The following CAMSAP1 variants were observed in gnomAD, a reference collection of about 807,000 sequenced individuals.
The protein encoded by CAMSAP1 is calmodulin regulated spectrin associated protein 1, also known as calmodulin-regulated spectrin-associated protein 1.
CAMSAP1 carries 58 observed loss-of-function variants against 143.5 expected under a neutral mutation model. The observed-to-expected ratio is 0.40, with a 90% confidence interval of 0.33 to 0.50. The LOEUF is 0.50. CAMSAP1 is among the 20% of genes least tolerant of loss of function. The pLI is 0.45. For synonymous variants in CAMSAP1, 945 were observed against 859.3 expected (o/e 1.10, Z -1.74); for missense variants, 1,969 against 2,115.7 (o/e 0.93, Z 1.36).
chr9:135,830,022 G>C (rs900219368), intron 7 of CAMSAP1, among the ~76,000 whole-genome samples: 3 of 152,028 alleles, frequency 2.0e-5, no homozygotes, highest in Non-Finnish European at 4.4e-5. Context: ...TCTTAAAACA[G>C]ACAACTGTAT....
chr9:135,871,908 GC>G (rs1204628935), intron 3 of CAMSAP1, among the ~76,000 whole-genome samples: 1 of 152,174 alleles, frequency 6.6e-6, no homozygotes, highest in Admixed American at 6.5e-5. Flanking sequence ...TTCGAGACCA[GC>G]CTAAGCAACA....
intron 7 of CAMSAP1, among the ~76,000 whole-genome samples, chr9:135,844,696 A>T (rs985121776): frequency 6.6e-6 from 1 of 152,240 alleles, no homozygotes; most frequent in Non-Finnish European, 1.5e-5. Context: ...ATCATCATTG[A>T]TCCCGCAGAA....
At chr9:135,890,674 C>T (rs970025921) in intron 1 of CAMSAP1, among the ~76,000 whole-genome samples, 23 of 152,264 alleles carry the variant, frequency 1.5e-4, no homozygotes, top group African/African-American at 4.3e-4. Flanking sequence ...ACCAGGGCCT[C>T]GCGTGGGGTG....
intron 3 of CAMSAP1, among the ~76,000 whole-genome samples, chr9:135,870,763 C>G (rs1837542607): frequency 6.6e-6 from 1 of 152,058 alleles, no homozygotes; most frequent in African/African-American, 2.4e-5. Flanking sequence ...CCATGGCACT[C>G]CAGCCTAGGT....
chr9:135,881,244 C>T (rs1049235953), intron 3 of CAMSAP1, among the ~76,000 whole-genome samples: 5 of 151,822 alleles, frequency 3.3e-5, no homozygotes, highest in Non-Finnish European at 7.4e-5. Flanking sequence ...GTGATCCCAG[C>T]TACTCAGGAG....
chr9:135,817,525 G>A (rs1424296633), intron 14 of CAMSAP1, among the ~76,000 whole-genome samples: 4 of 151,988 alleles, frequency 2.6e-5, no homozygotes, highest in Non-Finnish European at 4.4e-5. Context: ...CCAAGTAGCT[G>A]GGACTATAGG....
chr9:135,823,897 T>C lies in CAMSAP1; in HGVS notation c.1400+53A>G. On this transcript the variant is annotated intron_variant, in intron 10 of 16. Coordinates refer to ENST00000389532, the MANE Select transcript of CAMSAP1 (RefSeq NM_015447.4). ...GTTGGGGTGACATCTTAAGAACTGC[T>C]GTTTAGTATAAAAAACATTCCAAAC... 4 of 1,401,262 alleles carry C rather than the reference T, an allele frequency of 2.9e-6. No homozygotes were observed. The South Asian group carries it at 3.7e-5, about 13-fold the overall frequency. The allele number at this position is 1,401,262 out of a possible 1,614,324, so 86.8% of individuals were successfully genotyped here.
intron 7 of CAMSAP1, among the ~76,000 whole-genome samples, chr9:135,848,204 G>A (rs754659169): frequency 6.6e-6 from 1 of 151,860 alleles, no homozygotes; most frequent in Non-Finnish European, 1.5e-5. Context: ...AAGAAGAGTT[G>A]GGAAGGAAAG....
rs554489485 is a variant in CAMSAP1 at position 135,823,972 on chromosome 9, C to A, written c.1378G>T (p.Ala460Ser). The A allele has an allele frequency of 1.2e-5, 19 of 1,586,144 alleles. No individual in the cohort carries two copies. The South Asian group carries it at 2.0e-4, about 16-fold the overall frequency. The change falls in exon 10 of 17, where the codon GCC becomes TCC. Residue 460 changes from alanine to serine, a missense_variant. Transcript: ENST00000389532. ...VDGQPRGAAI[A>S]WPEKKTRPAS... ...CACCTGGTTTTTTTTTCTGGCCAGG[C>A]TATTGCTGCTCCTCGAGGCTGACCA... is the stretch of plus-strand genomic sequence containing the variant.
intron 3 of CAMSAP1, among the ~76,000 whole-genome samples, chr9:135,871,036 A>G (rs910161106): frequency 6.6e-6 from 1 of 152,202 alleles, no homozygotes; most frequent in Non-Finnish European, 1.5e-5. Context: ...TTCCAATTAT[A>G]TATCTACATG....
In CAMSAP1 at chr9:135,819,005, C is replaced by T; in HGVS notation, c.3959+5G>A. On this transcript the variant is annotated splice_donor_5th_base_variant and intron_variant, in intron 12 of 16. Transcript: ENST00000389532. The stretch of plus-strand genomic sequence containing the variant: ...GTCTGCTTTCCCCCCCGGCGGGACG[C>T]TTACCGGGCTTCGTCACGCTTGAGC... The T allele has an allele frequency of 6.2e-7, 1 of 1,605,172 alleles. No homozygotes were observed. The highest frequency in any genetic ancestry group is 8.5e-7 in the Non-Finnish European group (1 of 1,178,870).
At chr9:135,849,382 A>G (rs1836690502) in intron 7 of CAMSAP1, among the ~76,000 whole-genome samples, 1 of 152,208 alleles carries the variant, frequency 6.6e-6, no homozygotes. Context: ...AATCTTAAGC[A>G]TTGCAAGCTG....
At chr9:135,874,216 C>T (rs1837657700) in intron 3 of CAMSAP1, among the ~76,000 whole-genome samples, 1 of 152,156 alleles carries the variant, frequency 6.6e-6, no homozygotes, top group African/African-American at 2.4e-5. Flanking sequence ...TAGAAGGGAA[C>T]TCCTGGCCAG....
At chr9:135,827,698 G>T in intron 7 of CAMSAP1, 114 bp from the exon 8 acceptor site, 1 of 1,033,310 alleles carries the variant, frequency 9.7e-7, no homozygotes, top group Non-Finnish European at 1.3e-6. Context: ...CCAAACTTCT[G>T]CCAAAAAAAA....
intron 7 of CAMSAP1, among the ~76,000 whole-genome samples, chr9:135,847,002 C>T (rs1281604566): frequency 6.6e-6 from 1 of 152,080 alleles, no homozygotes; most frequent in Non-Finnish European, 1.5e-5. Flanking sequence ...AACTGAAATA[C>T]CATTTGACCC....
Position 135,821,562 on chromosome 9 carries a change from C to T in CAMSAP1, c.3099G>A (p.Thr1033=), listed in dbSNP as rs755935604. Residue 1033 remains threonine, a synonymous_variant, in exon 11 of 17, where the codon ACG becomes ACA. Coordinates refer to ENST00000389532, the MANE Select transcript of CAMSAP1 (RefSeq NM_015447.4). The surrounding 1 kb of genome is among the most constrained non-coding windows in gnomAD (Gnocchi z 4.6). ...AGATTTTCAGGATGGCCTGCTGCAGCGTACTGATGGTTTCGTTAAGCTTCT... is the reference window on the plus strand; with the variant it reads ...AGATTTTCAGGATGGCCTGCTGCAGTGTACTGATGGTTTCGTTAAGCTTCT... ...SIEKLNETIS[T]LQQAILKISQ... is the part of the protein sequence containing the mutation. 2 of 1,613,972 alleles carry T rather than the reference C, an allele frequency of 1.2e-6. No homozygotes were observed. Among genetic ancestry groups the T allele is most frequent in the Non-Finnish European group, 1.7e-6 (2 of 1,179,890 alleles).
At chr9:135,819,606 A>G (rs778653572) in intron 11 of CAMSAP1, among the ~76,000 whole-genome samples, 50 of 142,868 alleles carry the variant, frequency 3.5e-4, no homozygotes, top group Non-Finnish European at 7.3e-4. Flanking sequence ...GGCCAAGGAG[A>G]GTGGATCACC....
At chr9:135,878,311 C>T (rs994386275) in intron 3 of CAMSAP1, among the ~76,000 whole-genome samples, 10 of 152,076 alleles carry the variant, frequency 6.6e-5, no homozygotes, top group Admixed American at 1.3e-4. Flanking sequence ...CAGAGGGATG[C>T]CACAGAGGAG....
At chr9:135,843,727 G>C (rs962078304) in intron 7 of CAMSAP1, among the ~76,000 whole-genome samples, 1 of 151,422 alleles carries the variant, frequency 6.6e-6, no homozygotes, top group Non-Finnish European at 1.5e-5. Context: ...AAAAAAAATT[G>C]GCTGGGCGTG....
Sources: gnomAD v4.1 joint callset for allele counts (sites outside exome capture counted in the v4.1 genomes callset) on GRCh38, gnomAD v4.1.1 for gene constraint, Gnocchi (gnomAD v3.1) non-coding constraint, MANE v1.5 for transcripts, NCBI Gene and HGNC (gene_info 2026-07-23, HGNC 2026-07-21) for gene names.